PALM2AKAP2: variants seen among roughly 807,000 people sequenced by gnomAD.
The protein encoded by PALM2AKAP2 is PALM2-AKAP2 fusion protein.
Under a neutral mutation model 71.5 loss-of-function variants are expected in PALM2AKAP2, and 37 were observed. The ratio of observed to expected loss-of-function variants is 0.52; its 90% confidence interval spans 0.40 to 0.68. PALM2AKAP2 has a LOEUF of 0.68. PALM2AKAP2 is among the 30% of genes least tolerant of loss of function. The pLI is 0.00. For missense variants in PALM2AKAP2, 1,224 were observed against 1,191.8 expected (o/e 1.03, Z -0.40); for synonymous variants, 468 against 478.8 (o/e 0.98, Z 0.29).
intron 1 of PALM2AKAP2, among the ~76,000 whole-genome samples, chr9:110,115,145 C>T (rs939219533): frequency 6.6e-6 from 1 of 152,188 alleles, no homozygotes; most frequent in African/African-American, 2.4e-5. Flanking sequence ...CAGCTGCTCC[C>T]AGAGTCTGGC....
intron 1 of PALM2AKAP2, among the ~76,000 whole-genome samples, chr9:110,076,958 G>A (rs481661): frequency 0.57 from 86,433 of 152,034 alleles, 25,087 homozygotes; most frequent in African/African-American, 0.69. Flanking sequence ...AGGCTGTCAC[G>A]CAATGTATAC....
intron 3 of PALM2AKAP2, among the ~76,000 whole-genome samples, chr9:109,882,819 T>A (rs77525823): frequency 0.046 from 7,026 of 151,710 alleles, 190 homozygotes; most frequent in East Asian, 0.069. Flanking sequence ...TATTATTATT[T>A]TTTTTTTTTG....
rs1012928701 is a variant in PALM2AKAP2 at position 109,938,954 on chromosome 9, G to A, written c.496+6926G>A. On this transcript the variant is annotated intron_variant, in intron 6 of 9. Transcript: ENST00000302798. Reference sequence around the variant, plus strand: ...TGAGGCAGGAGAATCGCTTGAACCCGGGAGGCAGAGGTTGCAGTGAGACAA... The same window carrying A: ...TGAGGCAGGAGAATCGCTTGAACCCAGGAGGCAGAGGTTGCAGTGAGACAA... Among the ~76,000 whole-genome samples the A allele has an allele frequency of 1.2e-4, 19 of 152,046 alleles. 1 individual carries two copies. The highest frequency in any genetic ancestry group is 1.1e-3 in the Admixed American group (17 of 15,262).
intron 1 of PALM2AKAP2, among the ~76,000 whole-genome samples, chr9:110,049,382 C>T (rs1304122106): frequency 6.6e-6 from 1 of 152,034 alleles, no homozygotes; most frequent in Non-Finnish European, 1.5e-5. Context: ...AGGGCCGGGC[C>T]CCGGCCCCGG....
intron 1 of PALM2AKAP2, among the ~76,000 whole-genome samples, chr9:109,861,833 T>C (rs1020515402): frequency 1.3e-5 from 2 of 152,232 alleles, no homozygotes; most frequent in Non-Finnish European, 2.9e-5. Context: ...TGATGGCCAA[T>C]GTGTTTTTAA....
intron 6 of PALM2AKAP2, among the ~76,000 whole-genome samples, chr9:109,955,910 T>C (rs12341840): frequency 1 from 151,765 of 152,018 alleles, 75,756 homozygotes; most frequent in Middle Eastern, 1. Flanking sequence ...GCACTCCAAC[T>C]TGGCAACACA....
chr9:110,078,015 A>G (rs74976924), intron 1 of PALM2AKAP2, among the ~76,000 whole-genome samples: 1 of 143,818 alleles, frequency 7.0e-6, no homozygotes, highest in Non-Finnish European at 1.5e-5. Flanking sequence ...CTCAGTCTCA[A>G]AAAAAAAAAA....
intron 1 of PALM2AKAP2, among the ~76,000 whole-genome samples, chr9:109,862,388 C>T (rs983496626): frequency 6.6e-6 from 1 of 152,146 alleles, no homozygotes; most frequent in African/African-American, 2.4e-5. Flanking sequence ...ACTCTGCCTC[C>T]CTCTGCATGT....
intron 6 of PALM2AKAP2, among the ~76,000 whole-genome samples, chr9:109,982,966 C>T (rs991272453): frequency 4.6e-5 from 7 of 152,154 alleles, no homozygotes; most frequent in African/African-American, 1.7e-4. Context: ...CAGCTGTCTG[C>T]CCATGTCTTT....
intron 1 of PALM2AKAP2, among the ~76,000 whole-genome samples, chr9:110,088,783 G>T (rs1417288861): frequency 7.5e-6 from 1 of 132,486 alleles, no homozygotes; most frequent in East Asian, 2.5e-4. Context: ...GCAGTGATGC[G>T]ATCTCAGTTC....
chr9:109,774,137 GT>G (rs1363375306), intron 1 of PALM2AKAP2, among the ~76,000 whole-genome samples: 1 of 152,242 alleles, frequency 6.6e-6, no homozygotes, highest in Non-Finnish European at 1.5e-5. Context: ...CAATGAAAGT[GT>G]TGATGGCCAC....
chr9:109,863,407 G>A (rs1829365975), intron 1 of PALM2AKAP2, among the ~76,000 whole-genome samples: 1 of 152,188 alleles, frequency 6.6e-6, no homozygotes, highest in African/African-American at 2.4e-5. Context: ...AAACATAGAA[G>A]AAGGAACAGG....
At chr9:109,867,953 C>T (rs893391736) in intron 2 of PALM2AKAP2, among the ~76,000 whole-genome samples, 16 of 152,194 alleles carry the variant, frequency 1.1e-4, no homozygotes, top group African/African-American at 3.1e-4. Flanking sequence ...ATATATTTCA[C>T]GGAACGTTCT....
intron 1 of PALM2AKAP2, among the ~76,000 whole-genome samples, chr9:109,797,260 T>A (rs1278752864): frequency 6.6e-6 from 1 of 152,212 alleles, no homozygotes; most frequent in Non-Finnish European, 1.5e-5. Flanking sequence ...TAGGCCCAGC[T>A]TGGGGTTACC....
At chr9:109,780,649 G>T in intron 1 of PALM2AKAP2, 116 bp downstream of exon 1, 1 of 1,450,490 alleles carries the variant, frequency 6.9e-7, no homozygotes. Context: ...ATGTTCCAGG[G>T]GCTAAAACTC....
intron 1 of PALM2AKAP2, among the ~76,000 whole-genome samples, chr9:109,727,268 T>A (rs1828490463): frequency 6.6e-6 from 1 of 152,176 alleles, no homozygotes; most frequent in Non-Finnish European, 1.5e-5. Flanking sequence ...CCCCACCAAC[T>A]TTACAGGATT....
chr9:109,900,758 G>A (rs778224610), intron 3 of PALM2AKAP2, among the ~76,000 whole-genome samples: 12 of 152,228 alleles, frequency 7.9e-5, no homozygotes, highest in Non-Finnish European at 1.8e-4. Context: ...CTGGACTGAC[G>A]TTTCTATTGT....
intron 1 of PALM2AKAP2, among the ~76,000 whole-genome samples, chr9:109,840,027 A>G (rs150601939): frequency 0.11 from 17,421 of 152,246 alleles, 1,222 homozygotes; most frequent in Non-Finnish European, 0.16. Context: ...TAAAGTTCAT[A>G]TGGAACCAAA....
At chr9:109,880,595 T>C in exon 3 of PALM2AKAP2, 1 of 1,613,670 alleles carries the variant, frequency 6.2e-7, no homozygotes, top group Non-Finnish European at 8.5e-7. Context: ...GCATACCCGC[T>C]GGAACTGCCG....
Sources: gnomAD v4.1 joint callset for allele counts (sites outside exome capture counted in the v4.1 genomes callset) on GRCh38, gnomAD v4.1.1 for gene constraint, MANE v1.5 for transcripts, NCBI Gene and HGNC (gene_info 2026-07-23, HGNC 2026-07-21) for gene names.